The following MBNL1 variants were observed in gnomAD, a reference collection of about 807,000 sequenced individuals.
MBNL1 encodes muscleblind like splicing regulator 1.
Under a neutral mutation model 42.2 loss-of-function variants are expected in MBNL1, and 8 were observed. The observed-to-expected ratio is 0.19, with a 90% CI of 0.11 to 0.34. MBNL1 has a LOEUF of 0.34. Among genes scored for constraint, MBNL1 ranks in the 10% least tolerant of loss-of-function variants. MBNL1 has a pLI of 1.00. For synonymous variants in MBNL1, 169 were observed against 173.9 expected, an observed-to-expected ratio of 0.97 and a Z score of 0.22; for missense variants, 309 against 495.3, an observed-to-expected ratio of 0.62 and a Z score of 3.57.
chr3:152,248,321 C>G (rs2033639921), intron 2 of MBNL1, among the ~76,000 whole-genome samples: 1 of 151,848 alleles, frequency 6.6e-6, no homozygotes, highest in South Asian at 2.1e-4. Context: ...AAATGCTCAC[C>G]AGAAACTCTT....
At chr3:152,292,800 A>C (rs1401533825) in intron 1 of MBNL1, among the ~76,000 whole-genome samples, 1 of 148,948 alleles carries the variant, frequency 6.7e-6, no homozygotes, top group Non-Finnish European at 1.5e-5. Flanking sequence ...ACAGGGTCTT[A>C]CTCTGTTGCC....
intron 2 of MBNL1, among the ~76,000 whole-genome samples, chr3:152,330,962 T>C (rs945406668): frequency 1.2e-4 from 18 of 152,144 alleles, no homozygotes; most frequent in Admixed American, 3.3e-4. Context: ...TCCCATTGAT[T>C]TTATTACAAA....
intron 3 of MBNL1, among the ~76,000 whole-genome samples, chr3:152,429,545 A>G (rs546536599): frequency 7.5e-4 from 115 of 152,322 alleles, no homozygotes; most frequent in African/African-American, 2.5e-3. Flanking sequence ...ATGCCACTTG[A>G]TAACAACATT....
chr3:152,245,896 T>G (rs575103221), intron 2 of MBNL1, among the ~76,000 whole-genome samples: 4 of 152,188 alleles, frequency 2.6e-5, no homozygotes, highest in Non-Finnish European at 5.9e-5. Flanking sequence ...GTTACAATTG[T>G]GCTTCTTCAT....
At chr3:152,411,407 C>G (rs1430770955) in intron 2 of MBNL1, among the ~76,000 whole-genome samples, 1 of 152,122 alleles carries the variant, frequency 6.6e-6, no homozygotes, top group African/African-American at 2.4e-5. Context: ...GTAGTCCCAG[C>G]TACTCGGGAG....
intron 2 of MBNL1, among the ~76,000 whole-genome samples, chr3:152,326,778 A>ATTAATTAT (rs1553828478): frequency 6.9e-4 from 98 of 142,014 alleles, no homozygotes; most frequent in South Asian, 3.2e-3. Flanking sequence ...CCTTGGGAAA[A>ATTAATTAT]TTATTTATTT....
rs139709910 is a variant in MBNL1, at chr3:152,420,175, G to A, written c.345+5064G>A. Among the ~76,000 whole-genome samples the A allele has an allele frequency of 4.7e-3, 710 of 152,288 alleles. 5 individuals are homozygous for A. Among genetic ancestry groups the A allele is most frequent in the South Asian group, 1.0e-2 (48 of 4,824 alleles). On this transcript the variant is annotated intron_variant, in intron 3 of 9. Coordinates refer to ENST00000324210, the MANE Select transcript of MBNL1 (RefSeq NM_021038.5). ...CACCTGGGGGAAGGGGCGGCTGTGG[G>A]CGCAGCTTCAGCAGACTTAAATGTT...
chr3:152,332,731 T>C (rs563702860), intron 2 of MBNL1, among the ~76,000 whole-genome samples: 2,069 of 134,162 alleles, frequency 0.015, 26 homozygotes, highest in South Asian at 0.03. Context: ...TGTGTGTGTG[T>C]GTGTGTGTGC....
rs564989800 is a variant in MBNL1, at chr3:152,406,864, A to C, written c.175-8077A>C. ...AGTAGCTAGAAAAGTCTAACCTAAA[A>C]TCCCATTTGTGATTAGATTATGCAC... On this transcript the variant is annotated intron_variant, in intron 2 of 9. Coordinates refer to ENST00000324210, the MANE Select transcript of MBNL1 (RefSeq NM_021038.5). Among the ~76,000 whole-genome samples, 20 of 152,294 alleles carry C rather than the reference A, an allele frequency of 1.3e-4. 1 individual carries two copies. Among genetic ancestry groups the C allele is most frequent in the African/African-American group, 4.8e-4 (20 of 41,550 alleles).
intron 2 of MBNL1, among the ~76,000 whole-genome samples, chr3:152,393,797 G>T (rs2097815718): frequency 6.6e-6 from 1 of 152,060 alleles, no homozygotes; most frequent in Non-Finnish European, 1.5e-5. Flanking sequence ...CCCCTTTCCT[G>T]TGCGTGAGCT....
chr3:152,407,838 A>G (rs1482602666), intron 2 of MBNL1, among the ~76,000 whole-genome samples: 5 of 152,054 alleles, frequency 3.3e-5, no homozygotes, highest in African/African-American at 4.8e-5. Context: ...AGGGACATGA[A>G]TGGAGCTGGA....
At chr3:152,320,702 C>A (rs926612727) in intron 2 of MBNL1, among the ~76,000 whole-genome samples, 2 of 94,966 alleles carry the variant, frequency 2.1e-5, no homozygotes, top group Admixed American at 1.0e-4. Context: ...TTTTTTTAAT[C>A]TTTTTTGACT....
intron 1 of MBNL1, among the ~76,000 whole-genome samples, chr3:152,280,226 A>G (rs2047614882): frequency 6.6e-6 from 1 of 152,108 alleles, no homozygotes; most frequent in African/African-American, 2.4e-5. Flanking sequence ...CAAATAATGG[A>G]CGGGCAAAAC....
chr3:152,401,111 T>G (rs938739942), intron 2 of MBNL1, among the ~76,000 whole-genome samples: 13 of 152,224 alleles, frequency 8.5e-5, no homozygotes, highest in Non-Finnish European at 1.2e-4. Context: ...GACTAAGCTT[T>G]ACAGTATTGT....
chr3:152,304,053 A>T (rs1324404529), intron 2 of MBNL1, among the ~76,000 whole-genome samples: 2 of 152,192 alleles, frequency 1.3e-5, no homozygotes, highest in Admixed American at 6.5e-5. Context: ...GCAAAGTGGC[A>T]TACAATCAAG....
At chr3:152,409,013 A>G (rs1179671145) in intron 2 of MBNL1, among the ~76,000 whole-genome samples, 1 of 152,194 alleles carries the variant, frequency 6.6e-6, no homozygotes, top group Non-Finnish European at 1.5e-5. Context: ...TTACGGAAAC[A>G]AGTGAGTTAT....
chr3:152,413,399 T>C (rs1360391171), intron 2 of MBNL1, among the ~76,000 whole-genome samples: 1 of 152,338 alleles, frequency 6.6e-6, no homozygotes, highest in South Asian at 2.1e-4. Flanking sequence ...TAGCTCCTTA[T>C]GCAGTTCATG....
At chr3:152,407,209 C>CTTTTTTT (rs60509782) in intron 2 of MBNL1, among the ~76,000 whole-genome samples, 5 of 54,378 alleles carry the variant, frequency 9.2e-5, no homozygotes, top group Non-Finnish European at 1.6e-4. Context: ...GAAATATGTT[C>CTTTTTTT]TTTTTTTTTT....
At chr3:152,284,132 G>T (rs1029113433) in intron 1 of MBNL1, among the ~76,000 whole-genome samples, 3 of 151,958 alleles carry the variant, frequency 2.0e-5, no homozygotes, top group Admixed American at 6.6e-5. Context: ...TATTTTATGT[G>T]TATTATATAT....
Sources: allele counts gnomAD v4.1 joint callset (sites outside exome capture counted in the v4.1 genomes callset), GRCh38; gene constraint gnomAD v4.1.1; transcripts MANE v1.5; gene names NCBI Gene and HGNC (gene_info 2026-07-23, HGNC 2026-07-21).